Variants in EYS observed in about 807,000 individuals in gnomAD.
EYS encodes protein eyes shut homolog.
Under a neutral mutation model 282.1 loss-of-function variants are expected in EYS, and 250 were observed. The observed-to-expected ratio is 0.89, with a 90% CI of 0.80 to 0.98. The LOEUF (loss-of-function observed/expected upper bound fraction) is 0.98, where lower values mean the gene tolerates loss of function less well. Ranked by LOEUF, EYS falls within the 50% of genes least tolerant of loss-of-function variation. EYS has a pLI of 0.00. For synonymous variants in EYS, 1,355 were observed against 1,282.9 expected, an observed-to-expected ratio of 1.06 and a Z score of -1.20; for missense variants, 4,016 against 3,709.0, an observed-to-expected ratio of 1.08 and a Z score of -2.15.
At chr6:64,218,751 C>A (rs1261972805) in intron 31 of EYS, among the ~76,000 whole-genome samples, 1 of 152,134 alleles carries the variant, frequency 6.6e-6, no homozygotes, top group Non-Finnish European at 1.5e-5. Flanking sequence ...ATCTTGAAAG[C>A]AGTTGGACAG....
intron 33 of EYS, among the ~76,000 whole-genome samples, chr6:64,031,136 C>T (rs1227489589): frequency 2.6e-5 from 4 of 152,224 alleles, no homozygotes; most frequent in African/African-American, 4.8e-5. Context: ...CTGGCTCCCT[C>T]AGCTTGCGGG....
intron 36 of EYS, chr6:63,822,108 T>G (rs1771340501): frequency 1.3e-5 from 2 of 152,228 alleles, no homozygotes; most frequent in African/African-American, 2.4e-5. Context: ...GGAAAAAGCA[T>G]GAAGTTTTTT....
At chr6:64,385,906 G>A (rs1343306051) in intron 29 of EYS, among the ~76,000 whole-genome samples, 1 of 151,908 alleles carries the variant, frequency 6.6e-6, no homozygotes, top group Non-Finnish European at 1.5e-5. Flanking sequence ...CTTTGTCTAC[G>A]GCCAGCCTCT....
intron 23 of EYS, among the ~76,000 whole-genome samples, chr6:64,619,742 A>G (rs191901466): frequency 8.2e-4 from 124 of 152,022 alleles, no homozygotes; most frequent in Admixed American, 1.4e-3. Context: ...GGGTATGATC[A>G]CACATCACTG....
At chr6:64,930,609 TA>T (rs1223169782) in intron 15 of EYS, among the ~76,000 whole-genome samples, 1 of 152,170 alleles carries the variant, frequency 6.6e-6, no homozygotes, top group Admixed American at 6.6e-5. Context: ...TTATATCCAT[TA>T]AAAATTTTTA....
intron 5 of EYS, among the ~76,000 whole-genome samples, chr6:65,485,227 T>A (rs937693882): frequency 8.5e-5 from 13 of 152,230 alleles, no homozygotes; most frequent in African/African-American, 3.1e-4. Flanking sequence ...ACTGACTGTA[T>A]ACAAACCAGA....
At chr6:64,632,747 G>C (rs759588998) in intron 22 of EYS, among the ~76,000 whole-genome samples, 1 of 152,078 alleles carries the variant, frequency 6.6e-6, no homozygotes, top group Non-Finnish European at 1.5e-5. Flanking sequence ...TTGATAAGTA[G>C]GGGATATTCA....
chr6:64,404,960 T>A (rs956279376), intron 28 of EYS, among the ~76,000 whole-genome samples: 18 of 152,114 alleles, frequency 1.2e-4, no homozygotes, highest in African/African-American at 4.3e-4. Flanking sequence ...CCACTTAACT[T>A]TTTTTAACAC....
chr6:65,604,450 T>A (rs915307348), intron 2 of EYS, among the ~76,000 whole-genome samples: 5 of 151,484 alleles, frequency 3.3e-5, no homozygotes, highest in African/African-American at 1.2e-4. Flanking sequence ...CATTAAAGAG[T>A]TCAAAAGAGA....
At chr6:65,426,873 T>A (rs769103554) in intron 5 of EYS, among the ~76,000 whole-genome samples, 4 of 152,132 alleles carry the variant, frequency 2.6e-5, no homozygotes, top group Non-Finnish European at 4.4e-5. Context: ...AAATGAATCT[T>A]TTGTTTACAT....
chr6:65,548,316 A>C (rs1303497888), intron 2 of EYS, among the ~76,000 whole-genome samples: 2 of 152,168 alleles, frequency 1.3e-5, no homozygotes, highest in African/African-American at 4.8e-5. Flanking sequence ...AATTCCATAA[A>C]CCTGTATTCA....
chr6:64,205,852 T>G (rs993653612), intron 31 of EYS, among the ~76,000 whole-genome samples: 1 of 150,436 alleles, frequency 6.6e-6, no homozygotes, highest in Non-Finnish European at 1.5e-5. Flanking sequence ...CACATATATA[T>G]ATATAGAGAG....
Position 64,791,190 on chromosome 6 carries a change from C to G in EYS, c.3443+22188G>C, listed in dbSNP as rs369310187. ...AATCCATTTTAGCCTCAGATCAGAG[C>G]AAGTATTGAACTTTTACAAGTTTTA... On this transcript the variant is annotated intron_variant, in intron 22 of 42. Coordinates refer to ENST00000503581, the MANE Select transcript of EYS (RefSeq NM_001142800.2). 4.9e-4 allele frequency among the ~76,000 whole-genome samples: 75 copies of G among 151,894 alleles called. No homozygotes were observed. In the South Asian group the frequency reaches 0.016, roughly 31 times the overall value.
intron 12 of EYS, among the ~76,000 whole-genome samples, chr6:65,090,457 A>T (rs1255688695): frequency 6.6e-6 from 1 of 152,188 alleles, no homozygotes; most frequent in African/African-American, 2.4e-5. Context: ...GTACATCTTT[A>T]CAACAGTGTG....
At chr6:64,548,108 C>T (rs1178528052) in intron 26 of EYS, among the ~76,000 whole-genome samples, 4 of 152,176 alleles carry the variant, frequency 2.6e-5, no homozygotes, top group South Asian at 4.1e-4. Context: ...GAAGGGGCTC[C>T]CACCATGCAG....
At chr6:64,761,180 T>G (rs1773145211) in intron 22 of EYS, among the ~76,000 whole-genome samples, 1 of 152,140 alleles carries the variant, frequency 6.6e-6, no homozygotes, top group Admixed American at 6.5e-5. Context: ...AACTCAAGGC[T>G]CAGGAGAGAT....
intron 2 of EYS, among the ~76,000 whole-genome samples, chr6:65,558,310 T>C (rs1234973383): frequency 6.6e-6 from 1 of 152,234 alleles, no homozygotes; most frequent in Non-Finnish European, 1.5e-5. Context: ...GGTATGTCAG[T>C]GCAGCCTTGA....
intron 22 of EYS, among the ~76,000 whole-genome samples, chr6:64,700,999 C>A (rs961030570): frequency 6.6e-6 from 1 of 152,060 alleles, no homozygotes; most frequent in Non-Finnish European, 1.5e-5. Flanking sequence ...ACCCAAACAA[C>A]ATGATCCTGG....
At chr6:65,494,338 C>T (rs545556494) in intron 4 of EYS, among the ~76,000 whole-genome samples, 4 of 151,832 alleles carry the variant, frequency 2.6e-5, no homozygotes, top group East Asian at 1.9e-4. Context: ...ACTGCAGTGG[C>T]GCTATGTCGG....
Sources: gnomAD v4.1 joint callset for allele counts (sites outside exome capture counted in the v4.1 genomes callset) on GRCh38, gnomAD v4.1.1 for gene constraint, MANE v1.5 for transcripts, NCBI Gene and HGNC (gene_info 2026-07-23, HGNC 2026-07-21) for gene names.